The following FSTL5 variants were observed in gnomAD, a reference collection of about 807,000 sequenced individuals.
FSTL5 encodes the protein follistatin-related protein 5.
Under a neutral mutation model 89.1 loss-of-function variants are expected in FSTL5, and 62 were observed. The observed-to-expected ratio is 0.70, with a 90% CI of 0.57 to 0.86. The LOEUF is 0.86. Ranked by LOEUF, FSTL5 falls within the 40% of genes least tolerant of loss-of-function variation. The pLI is 0.00. For synonymous variants in FSTL5, 383 were observed against 346.2 expected, an observed-to-expected ratio of 1.11 and a Z score of -1.18; for missense variants, 1,057 against 1,001.6, an observed-to-expected ratio of 1.06 and a Z score of -0.75.
At chr4:161,982,922 T>C (rs767160995) in intron 3 of FSTL5, among the ~76,000 whole-genome samples, 4 of 152,200 alleles carry the variant, frequency 2.6e-5, no homozygotes, top group South Asian at 2.1e-4. Flanking sequence ...CATCAAAATA[T>C]ACTATGCATC....
chr4:161,881,471 T>C (rs948649991), intron 4 of FSTL5, among the ~76,000 whole-genome samples: 2 of 151,982 alleles, frequency 1.3e-5, no homozygotes, highest in African/African-American at 4.8e-5. Context: ...GAAAATAAAA[T>C]AGGCATACAA....
chr4:161,890,753 A>G (rs1191172863), intron 4 of FSTL5, among the ~76,000 whole-genome samples: 1 of 152,012 alleles, frequency 6.6e-6, no homozygotes, highest in Non-Finnish European at 1.5e-5. Flanking sequence ...TAAAATGAGG[A>G]AAAATATGTG....
chr4:161,743,280 T>C (rs1054585868), intron 6 of FSTL5, among the ~76,000 whole-genome samples: 5 of 152,200 alleles, frequency 3.3e-5, no homozygotes, highest in African/African-American at 9.6e-5. Flanking sequence ...CCAGCACTAG[T>C]TGTTGAAAAG....
At chr4:161,931,773 C>T (rs1734291432) in intron 3 of FSTL5, among the ~76,000 whole-genome samples, 1 of 151,862 alleles carries the variant, frequency 6.6e-6, no homozygotes, top group Non-Finnish European at 1.5e-5. Flanking sequence ...ATGTTGTATG[C>T]TTTCTTTGCA....
chr4:161,453,069 C>T (rs1042491722), intron 15 of FSTL5, among the ~76,000 whole-genome samples: 2 of 152,134 alleles, frequency 1.3e-5, no homozygotes, highest in African/African-American at 2.4e-5. Flanking sequence ...ATAGCACTTA[C>T]TGCATGCCAC....
intron 4 of FSTL5, among the ~76,000 whole-genome samples, chr4:161,914,775 C>T (rs1733793308): frequency 6.6e-6 from 1 of 152,086 alleles, no homozygotes; most frequent in Admixed American, 6.6e-5. Flanking sequence ...ACTTCACAGA[C>T]TCAAGTCTGA....
chr4:161,534,854 G>C (rs1731539667), intron 10 of FSTL5, among the ~76,000 whole-genome samples: 1 of 151,946 alleles, frequency 6.6e-6, no homozygotes, highest in Non-Finnish European at 1.5e-5. Flanking sequence ...AAAACAGCAT[G>C]GTACTGGTAT....
chr4:161,998,588 TTGAA>T (rs1330607078), intron 3 of FSTL5, among the ~76,000 whole-genome samples: 1 of 152,148 alleles, frequency 6.6e-6, no homozygotes, highest in Non-Finnish European at 1.5e-5. Context: ...TCCAACAATA[TTGAA>T]TGAAGTCTTC....
intron 10 of FSTL5, among the ~76,000 whole-genome samples, chr4:161,527,793 G>A (rs951531811): frequency 6.6e-6 from 1 of 151,346 alleles, no homozygotes; most frequent in African/African-American, 2.5e-5. Context: ...TCCCATTACT[G>A]GGTATATACC....
intron 15 of FSTL5, among the ~76,000 whole-genome samples, chr4:161,392,171 G>A (rs531429542): frequency 1.3e-5 from 2 of 152,110 alleles, no homozygotes; most frequent in South Asian, 4.1e-4. Flanking sequence ...GCAGTATAAA[G>A]GTCTACCACT....
At position 161,933,783 on chromosome 4, in the gene FSTL5, C is replaced by T. The variant is rs72981145; in HGVS notation, c.161-13131G>A. ...CCCTAAATCAATAAGCCAATCTGTA[C>T]AGTTATCCCAATAAAAGAAACCTAG... On this transcript the variant is annotated intron_variant, in intron 3 of 15. Transcript: ENST00000306100. 3.1e-3 allele frequency among the ~76,000 whole-genome samples: 469 copies of T among 151,980 alleles called. 2 individuals are homozygous for T. The highest frequency in any genetic ancestry group is 0.011 in the African/African-American group (449 of 41,480).
chr4:161,523,845 T>C (rs1215998614), intron 10 of FSTL5, among the ~76,000 whole-genome samples: 3 of 152,176 alleles, frequency 2.0e-5, no homozygotes, highest in South Asian at 4.1e-4. Flanking sequence ...AGCATAAAAA[T>C]GCTTATTGTG....
Position 162,089,643 on chromosome 4 carries a change from AAAAAAAAG to A in FSTL5, c.126+21620_126+21627del, listed in dbSNP as rs1324362708. ...GCAAGAATCTGTCTCAAAAAAAAAA[AAAAAAAAG>A]AAAAAAAAGAAAGAAAGAAATTGGG... On this transcript the variant is annotated intron_variant, in intron 2 of 15. Transcript: ENST00000306100. 5.1e-4 allele frequency among the ~76,000 whole-genome samples: 64 copies of A among 125,052 alleles called. 1 individual carries two copies. Among genetic ancestry groups the A allele is most frequent in the South Asian group, 1.1e-3 (4 of 3,778 alleles). 82.0% of individuals were successfully genotyped at this position (125,052 alleles called of 152,430 possible).
intron 3 of FSTL5, among the ~76,000 whole-genome samples, chr4:161,962,644 T>C (rs1207928612): frequency 6.6e-6 from 1 of 151,972 alleles, no homozygotes; most frequent in East Asian, 1.9e-4. Context: ...ATCTTTAGTG[T>C]TGATCTGTCA....
chr4:161,507,489 G>C (rs894327779), intron 11 of FSTL5, among the ~76,000 whole-genome samples: 5 of 151,662 alleles, frequency 3.3e-5, no homozygotes, highest in Non-Finnish European at 5.9e-5. Flanking sequence ...CTTCTAGATT[G>C]AAAGTTTCTT....
intron 1 of FSTL5, among the ~76,000 whole-genome samples, chr4:162,152,205 C>T (rs76040201): frequency 0.019 from 2,844 of 152,182 alleles, 50 homozygotes; most frequent in Non-Finnish European, 0.026. Flanking sequence ...AATTTGAAAT[C>T]GTTGTTGTCA....
rs751653531 is a variant in FSTL5 at position 161,538,211 on chromosome 4, C to T, written c.1267G>A (p.Glu423Lys). The change falls in exon 10 of 16, where the codon GAA becomes AAA. Residue 423 changes from glutamate (E) to lysine (K), a missense_variant. Around this residue, in one of 3 missense-constraint regions of FSTL5, gnomAD observed 980 missense variants for 903.2 expected, o/e 1.08. Transcript: ENST00000306100. ...TCCACAAAAAGAGAAGAGATGTCTT[C>T]ATCCACTCCTGCTTCATTCTTTGCG... The part of the protein sequence containing the change: ...CIAKNEAGVD[E>K]DISSLFVEDS... The T allele has an allele frequency of 2.5e-6, 4 of 1,614,036 alleles. No individual in the cohort carries two copies. Among genetic ancestry groups the T allele is most frequent in the Non-Finnish European group, 3.4e-6 (4 of 1,179,952 alleles).
At chr4:161,921,075 A>G (rs1040189981) in intron 3 of FSTL5, among the ~76,000 whole-genome samples, 12 of 152,184 alleles carry the variant, frequency 7.9e-5, no homozygotes, top group Admixed American at 1.3e-4. Flanking sequence ...ATTACATGTG[A>G]TAATCCACAG....
intron 2 of FSTL5, among the ~76,000 whole-genome samples, chr4:162,074,128 C>G (rs1279614013): frequency 6.6e-6 from 1 of 151,680 alleles, no homozygotes; most frequent in Non-Finnish European, 1.5e-5. Flanking sequence ...TTGAATTATG[C>G]TTTTAGTGAC....
Sources: gnomAD v4.1 joint callset for allele counts (sites outside exome capture counted in the v4.1 genomes callset) on GRCh38, gnomAD v4.1.1 for gene constraint, gnomAD v4.1.1 regional missense constraint, MANE v1.5 for transcripts, NCBI Gene and HGNC (gene_info 2026-07-23, HGNC 2026-07-21) for gene names.